Variants in KIF13B observed in about 807,000 individuals in gnomAD.
KIF13B encodes the protein kinesin-like protein KIF13B.
Under a neutral mutation model 222.0 loss-of-function variants are expected in KIF13B, and 127 were observed. That is an observed-to-expected ratio of 0.57 (90% CI 0.50 to 0.66). KIF13B has a LOEUF of 0.66. KIF13B is among the 30% of genes least tolerant of loss of function. The probability of loss-of-function intolerance (pLI) is 0.00; values close to 1 mark genes in which losing one functional copy is unlikely to be tolerated. For missense variants in KIF13B, 2,173 were observed against 2,379.0 expected, an observed-to-expected ratio of 0.91 and a Z score of 1.80; for synonymous variants, 976 against 919.0, an observed-to-expected ratio of 1.06 and a Z score of -1.12.
Position 29,122,644 on chromosome 8 carries a change from G to A in KIF13B, c.3482C>T (p.Thr1161Ile), listed in dbSNP as rs1370900636. The A allele has an allele frequency of 1.2e-6, 2 of 1,605,948 alleles. No homozygotes were observed. Among genetic ancestry groups the A allele is most frequent in the African/African-American group, 1.3e-5 (1 of 74,840 alleles). ...SGIPGAPAEW[T>I]PVPGMETHIP... Reference sequence around the variant, plus strand: ...GTGTGTCTCCATCCCAGGTACTGGGGTCCTAAAACGGGAAGAACAAATGGC... The same window carrying A: ...GTGTGTCTCCATCCCAGGTACTGGGATCCTAAAACGGGAAGAACAAATGGC... Residue 1161 changes from threonine to isoleucine, a missense_variant and splice_region_variant, in exon 29 of 40, where the codon ACC becomes ATC. Thr to Ile is a moderately conservative substitution (Grantham distance 89). Transcript: ENST00000524189.
At chr8:29,193,781 A>T (rs778611405) in intron 3 of KIF13B, among the ~76,000 whole-genome samples, 15 of 152,204 alleles carry the variant, frequency 9.9e-5, no homozygotes, top group Non-Finnish European at 2.1e-4. Context: ...GACAAAGTAG[A>T]TGCTATGTAA....
rs1486151418 is a variant in KIF13B, at chr8:29,167,415, C to T, written c.1116G>A (p.Arg372=). The T allele has an allele frequency of 1.2e-6, 2 of 1,613,476 alleles. No homozygotes were observed. The highest frequency in any genetic ancestry group is 1.7e-6 in the Non-Finnish European group (2 of 1,179,854). Residue 372 remains arginine, a synonymous_variant, in exon 11 of 40, where the codon CGG becomes CGA. Transcript: ENST00000524189. ...DPNARIIRDL[R]EEVEKLREQL... ...GCTCCCGGAGTTTCTCAACTTCTTC[C>T]CGGAGATCCCGGATAATTCGGGCAT...
chr8:29,224,290 A>T (rs1454411790), intron 2 of KIF13B, among the ~76,000 whole-genome samples: 1 of 152,204 alleles, frequency 6.6e-6, no homozygotes, highest in African/African-American at 2.4e-5. Context: ...GGCGTGAGCC[A>T]CCGCGCCCGG....
chr8:29,233,386 A>C (rs184844113), intron 2 of KIF13B, among the ~76,000 whole-genome samples: 35 of 152,348 alleles, frequency 2.3e-4, no homozygotes, highest in Non-Finnish European at 4.6e-4. Flanking sequence ...AAAATGTTTT[A>C]GTTAATAATG....
chr8:29,092,658 G>A, intron 37 of KIF13B, 87 bp downstream of exon 37: 2 of 1,409,070 alleles, frequency 1.4e-6, no homozygotes, highest in Non-Finnish European at 1.9e-6. Context: ...CAACCCAGAG[G>A]CCGCACCTCC....
At chr8:29,186,098 AAAACAAAC>A (rs201934744) in intron 6 of KIF13B, among the ~76,000 whole-genome samples, 186 bp downstream of exon 6, 1 of 152,164 alleles carries the variant, frequency 6.6e-6, no homozygotes, top group African/African-American at 2.4e-5. Flanking sequence ...CTTGGGTTTA[AAAACAAAC>A]AAACAAACAA....
rs566625426 is a variant in KIF13B at position 29,244,516 on chromosome 8, T to C, written c.149+830A>G. Among the ~76,000 whole-genome samples the C allele has an allele frequency of 4.6e-5, 7 of 152,328 alleles. No individual in the cohort carries two copies. The East Asian group carries it at 1.4e-3, about 29-fold the overall frequency. On this transcript the variant is annotated intron_variant, in intron 2 of 39. Coordinates refer to ENST00000524189, the MANE Select transcript of KIF13B (RefSeq NM_015254.4). ...AGAAAAGGTCAGCCTATCCCCACTCTGACCCATTCTCTACATTGCCAATCA... is the reference window on the plus strand; with the variant it reads ...AGAAAAGGTCAGCCTATCCCCACTCCGACCCATTCTCTACATTGCCAATCA...
intron 2 of KIF13B, among the ~76,000 whole-genome samples, chr8:29,223,164 C>CAAAAAAAAAAA (rs375009923): frequency 5.4e-4 from 61 of 112,946 alleles, no homozygotes; most frequent in Non-Finnish European, 8.1e-4. Flanking sequence ...CAAAAAAATA[C>CAAAAAAAAAAA]AAAAAAAAAA....
chr8:29,154,807 G>A (rs927466140), intron 14 of KIF13B, among the ~76,000 whole-genome samples: 4 of 152,202 alleles, frequency 2.6e-5, no homozygotes, highest in Admixed American at 2.6e-4. Flanking sequence ...CAACACAGCT[G>A]TGAGGGCCAC....
At chr8:29,133,279 A>AAAC (rs893299987) in intron 22 of KIF13B, among the ~76,000 whole-genome samples, 3 of 152,190 alleles carry the variant, frequency 2.0e-5, no homozygotes, top group East Asian at 1.9e-4. Context: ...GGGAAAAAAC[A>AAAC]AACAACAACA....
At chr8:29,157,149 T>G (rs770690117) in intron 13 of KIF13B, among the ~76,000 whole-genome samples, 1 of 151,982 alleles carries the variant, frequency 6.6e-6, no homozygotes, top group Non-Finnish European at 1.5e-5. Flanking sequence ...ACATCCTAGA[T>G]TCAGCCTCCA....
chr8:29,076,389 C>G (rs550324854), intron 37 of KIF13B, among the ~76,000 whole-genome samples: 28 of 152,228 alleles, frequency 1.8e-4, no homozygotes, highest in Non-Finnish European at 3.8e-4. Context: ...ACTTTAACTG[C>G]CCAGAGATGT....
chr8:29,211,211 G>A (rs1259406754), intron 2 of KIF13B, among the ~76,000 whole-genome samples: 1 of 152,202 alleles, frequency 6.6e-6, no homozygotes. Context: ...TCCATGCATT[G>A]TTTGCCATGG....
At chr8:29,132,614 T>C (rs1235693233) in intron 22 of KIF13B, 149 bp from the exon 23 acceptor site, 1 of 473,656 alleles carries the variant, frequency 2.1e-6, no homozygotes, top group East Asian at 3.6e-5. Flanking sequence ...CTAAAACCCA[T>C]AATGAATGCT....
intron 2 of KIF13B, among the ~76,000 whole-genome samples, chr8:29,235,221 C>T (rs1815455745): frequency 6.6e-6 from 1 of 152,124 alleles, no homozygotes; most frequent in Admixed American, 6.6e-5. Flanking sequence ...AAAAGATTGT[C>T]GTCAAAGTGA....
chr8:29,210,306 C>T (rs949653354), intron 2 of KIF13B, among the ~76,000 whole-genome samples: 16 of 152,168 alleles, frequency 1.1e-4, no homozygotes, highest in Non-Finnish European at 7.3e-5. Context: ...CCAGAGCACA[C>T]AGACAGCCCT....
chr8:29,135,620 A>G (rs1459428588), intron 21 of KIF13B, among the ~76,000 whole-genome samples: 3 of 152,172 alleles, frequency 2.0e-5, no homozygotes, highest in Non-Finnish European at 4.4e-5. Context: ...AGAAGCCACA[A>G]ACATAACCTT....
At chr8:29,146,021 T>C (rs1811044301) in intron 18 of KIF13B, 2 of 443,908 alleles carry the variant, frequency 4.5e-6, no homozygotes, top group Non-Finnish European at 8.0e-6. Flanking sequence ...ACACCTAACT[T>C]GTGGAGAAGG....
At chr8:29,116,325 C>T (rs1004238727) in intron 31 of KIF13B, among the ~76,000 whole-genome samples, 23 of 152,162 alleles carry the variant, frequency 1.5e-4, no homozygotes, top group African/African-American at 4.8e-4. Context: ...AAAAATTAGC[C>T]GGATGTGGTG....
Sources: allele counts gnomAD v4.1 joint callset (sites outside exome capture counted in the v4.1 genomes callset), GRCh38; gene constraint gnomAD v4.1.1; transcripts MANE v1.5; gene names NCBI Gene and HGNC (gene_info 2026-07-23, HGNC 2026-07-21).